Variants in POM121C observed in about 807,000 individuals in gnomAD.
POM121C encodes POM121 transmembrane nucleoporin C, also known as nuclear envelope pore membrane protein POM 121C.
In POM121C, 20 loss-of-function variants were observed where a neutral mutation model predicts 66.4. The observed-to-expected ratio is 0.30, with a 90% CI of 0.21 to 0.44. The LOEUF is 0.44. Among genes scored for constraint, POM121C ranks in the 20% least tolerant of loss-of-function variants. The pLI is 1.00. For missense variants in POM121C, 580 were observed against 1,225.7 expected (o/e 0.47, Z 7.87); for synonymous variants, 286 against 528.0 (o/e 0.54, Z 6.28).
At chr7:75,447,954 G>T (rs1216081963) in intron 3 of POM121C, among the ~76,000 whole-genome samples, 13 of 151,586 alleles carry the variant, frequency 8.6e-5, no homozygotes, top group African/African-American at 2.9e-4. Context: ...AACCCAGGAG[G>T]TGGAGCTTGC....
chr7:75,438,452 C>T (rs1255828896), intron 6 of POM121C, among the ~76,000 whole-genome samples: 1 of 152,212 alleles, frequency 6.6e-6, no homozygotes, highest in Non-Finnish European at 1.5e-5. Context: ...TGGGTTAATA[C>T]TTCCATACCT....
intron 7 of POM121C, among the ~76,000 whole-genome samples, chr7:75,429,338 C>T (rs1414669696): frequency 6.6e-6 from 1 of 152,204 alleles, no homozygotes; most frequent in Non-Finnish European, 1.5e-5. Flanking sequence ...AGCATCAAAA[C>T]CATATACCTA....
intron 7 of POM121C, among the ~76,000 whole-genome samples, chr7:75,434,854 C>T (rs1201749467): frequency 2.6e-5 from 4 of 152,054 alleles, no homozygotes; most frequent in African/African-American, 9.7e-5. Context: ...GGATTACAGG[C>T]GTGAGCCTCC....
At chr7:75,436,873 G>A (rs587736347) in intron 7 of POM121C, among the ~76,000 whole-genome samples, 1 of 152,028 alleles carries the variant, frequency 6.6e-6, no homozygotes, top group Non-Finnish European at 1.5e-5. Flanking sequence ...CTCCCACCTT[G>A]ATCTCCCAAA....
chr7:75,427,497 GCAA>G (rs1463416870), intron 7 of POM121C, among the ~76,000 whole-genome samples: 1 of 149,426 alleles, frequency 6.7e-6, no homozygotes, highest in African/African-American at 2.5e-5. Flanking sequence ...TATGACTTTT[GCAA>G]CAACGATGGC....
chr7:75,438,890 G>A (rs1475529930), intron 6 of POM121C, among the ~76,000 whole-genome samples: 1 of 152,114 alleles, frequency 6.6e-6, no homozygotes, highest in Non-Finnish European at 1.5e-5. Flanking sequence ...CTGTGTATGT[G>A]CTTGGTTATT....
At chr7:75,469,786 T>C (rs1554478384) in intron 3 of POM121C, among the ~76,000 whole-genome samples, 1 of 152,192 alleles carries the variant, frequency 6.6e-6, no homozygotes, top group African/African-American at 2.4e-5. Flanking sequence ...CATACTCCTC[T>C]CTGGAATGCT....
At chr7:75,419,140 G>A (rs1789588892) in intron 14 of POM121C, among the ~76,000 whole-genome samples, 180 bp downstream of exon 14, 1 of 152,206 alleles carries the variant, frequency 6.6e-6, no homozygotes, top group South Asian at 2.1e-4. Context: ...ACCCCGGACA[G>A]CTCCTCTCTG....
intron 14 of POM121C, 110 bp downstream of exon 14, chr7:75,419,210 T>G: frequency 2.1e-6 from 3 of 1,455,002 alleles, no homozygotes; most frequent in South Asian, 2.9e-5. Context: ...GAAATGTCTT[T>G]CCTGTGCTGA....
intron 1 of POM121C, among the ~76,000 whole-genome samples, chr7:75,477,383 G>C (rs1792131316): frequency 6.6e-6 from 1 of 152,200 alleles, no homozygotes; most frequent in Admixed American, 6.5e-5. Flanking sequence ...AGGAGTTCAA[G>C]ACCAGCCTGG....
intron 7 of POM121C, 40 bp downstream of exon 7, chr7:75,437,475 G>A: frequency 1.9e-6 from 3 of 1,580,372 alleles, no homozygotes; most frequent in Non-Finnish European, 2.6e-6. Flanking sequence ...ATGAACGCTG[G>A]GAATTCATGC....
At chr7:75,461,658 G>A (rs1312774011) in intron 3 of POM121C, among the ~76,000 whole-genome samples, 1 of 152,016 alleles carries the variant, frequency 6.6e-6, no homozygotes, top group Non-Finnish European at 1.5e-5. Context: ...TGATCTACCT[G>A]CCTCGGCCTC....
Position 75,422,232 on chromosome 7 carries a change from TCAGAGTGG to T in POM121C, c.2012_2019del (p.Pro671HisfsTer4). 1 of 1,611,226 alleles carries T rather than the reference TCAGAGTGG, an allele frequency of 6.2e-7. No individual in the cohort carries two copies. The highest frequency in any genetic ancestry group is 1.1e-5 in the South Asian group (1 of 90,932). On this transcript the variant is annotated frameshift_variant, in exon 13 of 15. Coordinates refer to ENST00000615331, the MANE Select transcript of POM121C (RefSeq NM_001099415.3). LOFTEE classifies it high-confidence loss of function. ...GTGGGGGTGCTCGTGTTACTGAACG[TCAGAGTGG>T]GCTGGCTGCTGGTGGCCGGGGCGGA... is the stretch of plus-strand genomic sequence containing the variant.
chr7:75,452,525 G>A lies in POM121C; in HGVS notation c.-151-10878C>T, dbSNP rs1791055111. Among the ~76,000 whole-genome samples the A allele has an allele frequency of 2.0e-5, 3 of 152,322 alleles. No homozygotes were observed. In the South Asian group the frequency reaches 6.2e-4, roughly 32 times the overall value. On this transcript the variant is annotated intron_variant, in intron 3 of 14. Transcript: ENST00000615331. ...AGTTAGTTATTAGCTCCGAATAGAT[G>A]TCAGTTAATATGGTAGGCACTGATG...
intron 7 of POM121C, among the ~76,000 whole-genome samples, chr7:75,436,513 ATGGTT>A (rs1790418354): frequency 2.6e-5 from 4 of 152,164 alleles, no homozygotes; most frequent in Non-Finnish European, 5.9e-5. Context: ...TAATGGTATT[ATGGTT>A]ATTAATGTTC....
intron 1 of POM121C, among the ~76,000 whole-genome samples, chr7:75,482,558 C>G (rs1365759785): frequency 6.6e-6 from 1 of 152,104 alleles, no homozygotes; most frequent in South Asian, 2.1e-4. Flanking sequence ...GGTGTGGCAG[C>G]GTGCACCTGT....
intron 1 of POM121C, among the ~76,000 whole-genome samples, chr7:75,477,853 G>C (rs1213202498): frequency 3.3e-5 from 5 of 151,920 alleles, no homozygotes; most frequent in South Asian, 2.1e-4. Context: ...ACAAGTACTG[G>C]ATATACCCTC....
At chr7:75,480,470 C>T (rs1792265008) in intron 1 of POM121C, among the ~76,000 whole-genome samples, 2 of 151,928 alleles carry the variant, frequency 1.3e-5, no homozygotes, top group African/African-American at 4.8e-5. Context: ...ACCTGAACAA[C>T]ACAACCAACC....
chr7:75,423,932 A>C, intron 12 of POM121C, 117 bp downstream of exon 12: 4 of 1,512,436 alleles, frequency 2.6e-6, no homozygotes, highest in Non-Finnish European at 3.6e-6. Context: ...GTGCTGAGCC[A>C]GGGTGCGTTC....
Sources: allele counts gnomAD v4.1 joint callset (sites outside exome capture counted in the v4.1 genomes callset), GRCh38; gene constraint gnomAD v4.1.1; transcripts MANE v1.5; gene names NCBI Gene and HGNC (gene_info 2026-07-23, HGNC 2026-07-21).